Variants in GRIN2B observed in about 807,000 individuals in gnomAD.
GRIN2B encodes glutamate receptor ionotropic, NMDA 2B.
GRIN2B carries 5 observed loss-of-function variants against 114.5 expected under a neutral mutation model. The ratio of observed to expected loss-of-function variants is 0.04; its 90% CI spans 0.02 to 0.09. The LOEUF is 0.09. GRIN2B is among the 10% of genes least tolerant of loss of function. The pLI is 1.00. For missense variants in GRIN2B, 1,108 were observed against 1,943.5 expected (o/e 0.57, Z 8.08); for synonymous variants, 787 against 745.1 (o/e 1.06, Z -0.92).
chr12:13,860,539 G>T (rs138108799), intron 3 of GRIN2B, among the ~76,000 whole-genome samples: 6 of 152,206 alleles, frequency 3.9e-5, no homozygotes, highest in African/African-American at 9.6e-5. Flanking sequence ...TGGCCAGAAT[G>T]GTCTCGAACT....
intron 5 of GRIN2B, among the ~76,000 whole-genome samples, chr12:13,645,381 C>A (rs74720631): frequency 1.3e-5 from 2 of 151,930 alleles, no homozygotes; most frequent in African/African-American, 2.4e-5. Context: ...CATCCCAAAA[C>A]AATTACAGTA....
chr12:13,925,727 T>C (rs1296306318), intron 2 of GRIN2B, among the ~76,000 whole-genome samples: 1 of 152,134 alleles, frequency 6.6e-6, no homozygotes, highest in African/African-American at 2.4e-5. Context: ...CTATTAAAAT[T>C]CAAGCATTTC....
At chr12:13,704,703 T>C (rs1365269356) in intron 4 of GRIN2B, among the ~76,000 whole-genome samples, 1 of 152,188 alleles carries the variant, frequency 6.6e-6, no homozygotes, top group Admixed American at 6.5e-5. Context: ...GCTGCATCTA[T>C]GTTAAATGAG....
intron 3 of GRIN2B, among the ~76,000 whole-genome samples, chr12:13,786,401 T>G (rs1864221832): frequency 6.6e-6 from 1 of 152,218 alleles, no homozygotes; most frequent in Admixed American, 6.5e-5. Flanking sequence ...GCCTTAAACA[T>G]GTTAATCTCA....
intron 3 of GRIN2B, among the ~76,000 whole-genome samples, chr12:13,775,764 T>C (rs766810594): frequency 1.3e-5 from 2 of 152,212 alleles, no homozygotes; most frequent in Non-Finnish European, 2.9e-5. Flanking sequence ...ATATGATATG[T>C]CATTGTTGTT....
At position 13,547,105 on chromosome 12, in the gene GRIN2B, G is replaced by A. The variant is rs1413978842; in HGVS notation, c.*15678C>T. 5 of 152,260 alleles carry A rather than the reference G, an allele frequency of 3.3e-5. No homozygotes were observed. In the East Asian group the frequency reaches 9.7e-4, roughly 29 times the overall value. The allele number at this position is 152,260 out of a possible 1,614,324, so 9.4% of individuals were successfully genotyped here. On this transcript the variant is annotated 3_prime_UTR_variant, in exon 14 of 14. Transcript: ENST00000609686. ...TTTCTTTTAACAGTCTGATAGTTTAGATAAGAATACAGTTTAAGGGATATA... is the reference window on the plus strand; with the variant it reads ...TTTCTTTTAACAGTCTGATAGTTTAAATAAGAATACAGTTTAAGGGATATA...
chr12:13,793,637 C>A (rs1207044557), intron 3 of GRIN2B, among the ~76,000 whole-genome samples: 1 of 152,116 alleles, frequency 6.6e-6, no homozygotes, highest in Admixed American at 6.5e-5. Context: ...TCATCAGTTC[C>A]CAAGGGGCTC....
chr12:13,565,970 G>T (rs1948634000), intron 13 of GRIN2B, among the ~76,000 whole-genome samples: 1 of 152,044 alleles, frequency 6.6e-6, no homozygotes, highest in Non-Finnish European at 1.5e-5. Flanking sequence ...TATAAATGGG[G>T]TTTTTATTAC....
chr12:13,615,160 G>A lies in GRIN2B; in HGVS notation c.1608C>T (p.Val536=), dbSNP rs965143677. Reference sequence around the variant, plus strand: ...CAGTCCCATTGCTGCGTGACACCATGACACTGATGCCTGTCTCTATGAAGG... The same window carrying A: ...CAGTCCCATTGCTGCGTGACACCATAACACTGATGCCTGTCTCTATGAAGG... ...SVPFIETGIS[V]MVSRSNGTVS... is the part of the protein sequence containing the mutation. The change falls in exon 8 of 14, where the codon GTC becomes GTT. Residue 536 remains valine, a synonymous_variant. Transcript: ENST00000609686. The surrounding 1 kb of genome is among the most constrained non-coding windows in gnomAD (Gnocchi z 5.8). 6.2e-7 allele frequency: 1 copy of A among 1,612,762 alleles called. No homozygotes were observed. Among genetic ancestry groups the A allele is most frequent in the African/African-American group, 1.3e-5 (1 of 74,896 alleles).
Position 13,761,884 on chromosome 12 carries a change from T to C in GRIN2B, c.412-7969A>G, listed in dbSNP as rs76682874. Among the ~76,000 whole-genome samples the C allele has an allele frequency of 2.5e-3, 388 of 152,250 alleles. 3 individuals are homozygous for C. The highest frequency in any genetic ancestry group is 8.8e-3 in the African/African-American group (367 of 41,542). ...ACTAAGTGTTAATTAAGTAGTAGCGTTATCAATATCACACTAAATTTAATA... is the reference window on the plus strand; with the variant it reads ...ACTAAGTGTTAATTAAGTAGTAGCGCTATCAATATCACACTAAATTTAATA... On this transcript the variant is annotated intron_variant, in intron 3 of 13. Transcript: ENST00000609686.
At chr12:13,710,878 T>C (rs1213567159) in intron 4 of GRIN2B, among the ~76,000 whole-genome samples, 1 of 152,088 alleles carries the variant, frequency 6.6e-6, no homozygotes, top group African/African-American at 2.4e-5. Context: ...AAAAAACTAC[T>C]TTAAAGTTCA....
chr12:13,772,746 C>T (rs1863928681), intron 3 of GRIN2B, among the ~76,000 whole-genome samples: 1 of 152,168 alleles, frequency 6.6e-6, no homozygotes, highest in Admixed American at 6.5e-5. Flanking sequence ...ACAATTCTAT[C>T]ACAGGCAAGT....
At chr12:13,662,827 C>T (rs111467881) in intron 5 of GRIN2B, among the ~76,000 whole-genome samples, 23 of 152,098 alleles carry the variant, frequency 1.5e-4, no homozygotes, top group Non-Finnish European at 8.8e-5. Flanking sequence ...CTGGCTCTGT[C>T]CTCCACTTTA....
chr12:13,713,380 C>G (rs1028430527), intron 4 of GRIN2B, among the ~76,000 whole-genome samples: 1 of 151,794 alleles, frequency 6.6e-6, no homozygotes, highest in Non-Finnish European at 1.5e-5. Context: ...CTTAAGCCTC[C>G]CATATTCAAG....
At chr12:13,686,867 A>G (rs934822237) in intron 4 of GRIN2B, among the ~76,000 whole-genome samples, 1 of 152,312 alleles carries the variant, frequency 6.6e-6, no homozygotes, top group South Asian at 2.1e-4. Flanking sequence ...CCAATATTGG[A>G]GGTGGAGCCT....
intron 3 of GRIN2B, among the ~76,000 whole-genome samples, chr12:13,783,250 C>T (rs569032573): frequency 2.6e-5 from 4 of 152,024 alleles, no homozygotes; most frequent in African/African-American, 9.7e-5. Context: ...ACTGAAAAGA[C>T]AAACACACAC....
chr12:13,690,123 G>A lies in GRIN2B; in HGVS notation c.1011-14264C>T, dbSNP rs948548665. On this transcript the variant is annotated intron_variant, in intron 4 of 13. Coordinates refer to ENST00000609686, the MANE Select transcript of GRIN2B (RefSeq NM_000834.5). ...TATTTAAAGGTAAAAATCAAATCTCGTCCTTCTGTTATCCTTTGCAGAACC... is the reference window on the plus strand; with the variant it reads ...TATTTAAAGGTAAAAATCAAATCTCATCCTTCTGTTATCCTTTGCAGAACC... Among the ~76,000 whole-genome samples, 8 of 152,060 alleles carry A rather than the reference G, an allele frequency of 5.3e-5. No homozygotes were observed. The South Asian group carries it at 1.7e-3, about 32-fold the overall frequency.
chr12:13,850,634 A>G (rs998236076), intron 3 of GRIN2B, among the ~76,000 whole-genome samples: 4 of 152,078 alleles, frequency 2.6e-5, no homozygotes, highest in Admixed American at 2.6e-4. Context: ...CTGAATATTT[A>G]GGTCTTAATC....
intron 3 of GRIN2B, among the ~76,000 whole-genome samples, chr12:13,806,436 T>C (rs1298326666): frequency 6.6e-6 from 1 of 152,210 alleles, no homozygotes; most frequent in African/African-American, 2.4e-5. Flanking sequence ...TGAGGTGATA[T>C]CACATTGTGA....
Sources: allele counts gnomAD v4.1 joint callset (sites outside exome capture counted in the v4.1 genomes callset), GRCh38; gene constraint gnomAD v4.1.1; non-coding constraint Gnocchi (gnomAD v3.1); transcripts MANE v1.5; gene names NCBI Gene and HGNC (gene_info 2026-07-23, HGNC 2026-07-21).